MAST4: variants seen among roughly 807,000 people sequenced by gnomAD.
The protein encoded by MAST4 is microtubule associated serine/threonine kinase family member 4.
In MAST4, 89 loss-of-function variants were observed where a neutral mutation model predicts 162.7. The observed-to-expected ratio is 0.55, with a 90% CI of 0.46 to 0.65. The LOEUF is 0.65. MAST4 is among the 30% of genes least tolerant of loss of function. MAST4 has a pLI of 0.00. For synonymous variants in MAST4, 1,479 were observed against 1,361.1 expected, an observed-to-expected ratio of 1.09 and a Z score of -1.91; for missense variants, 3,153 against 3,374.0, an observed-to-expected ratio of 0.93 and a Z score of 1.62.
Position 67,164,944 on chromosome 5 carries a change from A to AG in MAST4, c.5768dup (p.Ser1924GlnfsTer4). 6.2e-7 allele frequency: 1 copy of AG among 1,613,912 alleles called. No homozygotes were observed. Among genetic ancestry groups the AG allele is most frequent in the Non-Finnish European group, 8.5e-7 (1 of 1,179,876 alleles). ...ATGGAAAGCAATCCCCAACAGAGAG[A>AG]GGGCAGCTCCCCTAAACACCAAGAC... is the stretch of plus-strand genomic sequence containing the variant. On this transcript the variant is annotated frameshift_variant, in exon 29 of 29. Coordinates refer to ENST00000403625, the MANE Select transcript of MAST4 (RefSeq NM_001164664.2). LOFTEE classifies it low-confidence loss of function (END_TRUNC). This position sits in a 1 kb window ranked among gnomAD's most constrained non-coding sequence, Gnocchi z 5.3.
At chr5:66,936,531 G>A (rs1341265872) in intron 4 of MAST4, among the ~76,000 whole-genome samples, 15 of 152,152 alleles carry the variant, frequency 9.9e-5, no homozygotes, top group Non-Finnish European at 1.5e-5. Context: ...AGTCAAAGGG[G>A]GTTGTTCTCT....
intron 1 of MAST4, among the ~76,000 whole-genome samples, chr5:66,723,227 C>T (rs1751322878): frequency 1.3e-5 from 2 of 152,130 alleles, no homozygotes; most frequent in South Asian, 2.1e-4. Context: ...TTCTTGGAAG[C>T]CCTTGTCCAG....
At chr5:67,052,175 T>C in intron 4 of MAST4, among the ~76,000 whole-genome samples, 1 of 152,180 alleles carries the variant, frequency 6.6e-6, no homozygotes, top group Non-Finnish European at 1.5e-5. Context: ...CATGTATTCA[T>C]AGATGAAATA....
chr5:66,783,892 T>G (rs1166586004), intron 2 of MAST4, among the ~76,000 whole-genome samples: 2 of 152,120 alleles, frequency 1.3e-5, no homozygotes, highest in African/African-American at 4.8e-5. Flanking sequence ...GGGTGCTGGT[T>G]CTGGATTCTG....
At chr5:67,062,550 T>TA (rs139043442) in intron 5 of MAST4, among the ~76,000 whole-genome samples, 2,217 of 152,312 alleles carry the variant, frequency 0.015, 35 homozygotes, top group African/African-American at 0.038. Context: ...AGATCTTTAA[T>TA]AAAAATGTTC....
At chr5:66,917,902 A>T (rs1334542886) in intron 4 of MAST4, among the ~76,000 whole-genome samples, 1 of 152,124 alleles carries the variant, frequency 6.6e-6, no homozygotes, top group East Asian at 1.9e-4. Context: ...TAAATTAAAA[A>T]TTTAAAATTG....
intron 5 of MAST4, among the ~76,000 whole-genome samples, chr5:67,078,824 T>TTATATTTATATATTTAAA (rs1371704295): frequency 1.7e-5 from 2 of 118,214 alleles, no homozygotes; most frequent in African/African-American, 7.3e-5. Flanking sequence ...ATTTTTATAT[T>TTATATTTATATATTTAAA]TATATTTATA....
intron 4 of MAST4, among the ~76,000 whole-genome samples, chr5:66,990,102 C>T (rs921964462): frequency 5.3e-5 from 8 of 152,008 alleles, no homozygotes; most frequent in South Asian, 2.1e-4. Context: ...TATGAATTAT[C>T]GATGGATTTC....
chr5:67,027,809 C>T (rs1754842743), intron 4 of MAST4, among the ~76,000 whole-genome samples: 1 of 152,166 alleles, frequency 6.6e-6, no homozygotes, highest in Non-Finnish European at 1.5e-5. Flanking sequence ...GTTATAACCA[C>T]CTCTAAGTTT....
At chr5:66,897,544 T>C (rs1363779229) in intron 3 of MAST4, among the ~76,000 whole-genome samples, 1 of 152,208 alleles carries the variant, frequency 6.6e-6, no homozygotes, top group African/African-American at 2.4e-5. Flanking sequence ...CCACAGCACA[T>C]TCATTTCTCT....
chr5:67,007,615 C>A (rs1209276194), intron 4 of MAST4, among the ~76,000 whole-genome samples: 2 of 152,122 alleles, frequency 1.3e-5, no homozygotes, highest in Non-Finnish European at 2.9e-5. Flanking sequence ...CAGCTTTGAG[C>A]CTATGAATGA....
chr5:67,156,061 GAA>G (rs535974856), intron 26 of MAST4, among the ~76,000 whole-genome samples: 8 of 83,654 alleles, frequency 9.6e-5, no homozygotes, highest in Non-Finnish European at 1.1e-4. Context: ...TCCGTCTCAA[GAA>G]AAAAAAAAAA....
At chr5:66,744,597 T>A (rs898319724) in intron 1 of MAST4, among the ~76,000 whole-genome samples, 1 of 152,170 alleles carries the variant, frequency 6.6e-6, no homozygotes, top group Non-Finnish European at 1.5e-5. Flanking sequence ...AGGAAACTTA[T>A]GACCATGATG....
intron 4 of MAST4, among the ~76,000 whole-genome samples, chr5:67,031,315 C>T (rs1755289741): frequency 6.6e-6 from 1 of 152,096 alleles, no homozygotes; most frequent in South Asian, 2.1e-4. Flanking sequence ...CTCTTGTCGC[C>T]TTTTTAGCCT....
At chr5:66,826,605 C>A (rs774880733) in intron 3 of MAST4, among the ~76,000 whole-genome samples, 21 of 149,970 alleles carry the variant, frequency 1.4e-4, no homozygotes, top group Non-Finnish European at 4.4e-5. Context: ...CCTCCCACCA[C>A]CCCCCCCAAT....
In MAST4 at chr5:67,167,264, CAAAAAAAAAAAAA is replaced by C. The variant is rs34486167; in HGVS notation, c.*230_*242del. ...AAACTGTTACCAGATAGTGTTTGTA[CAAAAAAAAAAAAA>C]AAAAAAAAAAAAAAAATTACCTTTA... On this transcript the variant is annotated 3_prime_UTR_variant, in exon 29 of 29. Transcript: ENST00000403625. 2,594 of 79,646 alleles carry C rather than the reference CAAAAAAAAAAAAA, an allele frequency of 0.033. 82 individuals are homozygous for C. Among genetic ancestry groups the C allele is most frequent in the African/African-American group, 0.1 (2,351 of 22,562 alleles). The allele number at this position is 79,646 out of a possible 1,614,324, so 4.9% of individuals were successfully genotyped here. A position where few individuals can be genotyped will look rare whatever the true frequency, so the allele number is the denominator to read the frequency against.
At chr5:66,902,746 G>C (rs917914961) in intron 4 of MAST4, 1 of 462,776 alleles carries the variant, frequency 2.2e-6, no homozygotes. Context: ...GGTAACTCCA[G>C]ATCACTTTTC....
chr5:66,899,010 C>G (rs1323639447), intron 3 of MAST4, among the ~76,000 whole-genome samples: 1 of 152,144 alleles, frequency 6.6e-6, no homozygotes, highest in Non-Finnish European at 1.5e-5. Flanking sequence ...AAGGATAGTG[C>G]TCAAGCACCT....
intron 14 of MAST4, among the ~76,000 whole-genome samples, chr5:67,124,779 A>G (rs548115347): frequency 6.6e-6 from 1 of 152,230 alleles, no homozygotes; most frequent in Non-Finnish European, 1.5e-5. Flanking sequence ...GAAAGCAGAA[A>G]GTCAAACAAA....
Sources: allele counts gnomAD v4.1 joint callset (sites outside exome capture counted in the v4.1 genomes callset), GRCh38; gene constraint gnomAD v4.1.1; non-coding constraint Gnocchi (gnomAD v3.1); transcripts MANE v1.5; gene names NCBI Gene and HGNC (gene_info 2026-07-23, HGNC 2026-07-21).